The following SLC8A1 variants were observed in gnomAD, a reference collection of about 807,000 sequenced individuals.
The protein encoded by SLC8A1 is solute carrier family 8 member A1, also known as sodium/calcium exchanger 1.
Under a neutral mutation model 68.3 loss-of-function variants are expected in SLC8A1, and 18 were observed. The ratio of observed to expected loss-of-function variants is 0.26; its 90% CI spans 0.18 to 0.39. SLC8A1 has a LOEUF of 0.39. Ranked by LOEUF, SLC8A1 falls within the 10% of genes least tolerant of loss-of-function variation. The probability of loss-of-function intolerance (pLI) is 1.00; values close to 1 mark genes in which losing one functional copy is unlikely to be tolerated. For synonymous variants in SLC8A1, 475 were observed against 415.5 expected, an observed-to-expected ratio of 1.14 and a Z score of -1.74; for missense variants, 985 against 1,156.7, an observed-to-expected ratio of 0.85 and a Z score of 2.15.
chr2:40,202,671 C>G (rs1009098092), intron 2 of SLC8A1, among the ~76,000 whole-genome samples: 27 of 151,912 alleles, frequency 1.8e-4, no homozygotes, highest in Admixed American at 2.6e-4. Flanking sequence ...ATAACATTAG[C>G]AAAGTTTAAA....
intron 2 of SLC8A1, among the ~76,000 whole-genome samples, chr2:40,311,745 G>C (rs1275562855): frequency 1.3e-5 from 2 of 151,794 alleles, no homozygotes; most frequent in South Asian, 4.2e-4. Flanking sequence ...AATGAACATG[G>C]ATTACTTGCA....
intron 2 of SLC8A1, among the ~76,000 whole-genome samples, chr2:40,224,860 C>G (rs983873689): frequency 2.0e-5 from 3 of 152,078 alleles, no homozygotes; most frequent in Non-Finnish European, 2.9e-5. Flanking sequence ...ACAACCCCAT[C>G]AAAAAGTGAG....
At chr2:40,294,335 C>T (rs1030668486) in intron 2 of SLC8A1, among the ~76,000 whole-genome samples, 2 of 152,002 alleles carry the variant, frequency 1.3e-5, no homozygotes, top group Admixed American at 6.6e-5. Flanking sequence ...CATAATAACT[C>T]AATTTGTCTT....
intron 2 of SLC8A1, among the ~76,000 whole-genome samples, chr2:40,219,199 G>A (rs1418755301): frequency 6.6e-6 from 1 of 152,202 alleles, no homozygotes; most frequent in Non-Finnish European, 1.5e-5. Flanking sequence ...CTTTAGAGGT[G>A]TGTGTTCATA....
At chr2:40,478,457 C>T (rs1340851239) in intron 1 of SLC8A1, among the ~76,000 whole-genome samples, 1 of 152,130 alleles carries the variant, frequency 6.6e-6, no homozygotes, top group Non-Finnish European at 1.5e-5. Context: ...TTTGTATCTA[C>T]AAACCCAAAT....
rs1558722154 is a variant in SLC8A1 at position 40,200,218 on chromosome 2, ATTTTTTT to A, written c.1809-22370_1809-22364del. Among the ~76,000 whole-genome samples, 136 of 25,414 alleles carry A rather than the reference ATTTTTTT, an allele frequency of 5.4e-3. 15 individuals carry two copies. Among genetic ancestry groups the A allele is most frequent in the African/African-American group, 7.5e-3 (63 of 8,416 alleles). 16.7% of individuals were successfully genotyped at this position (25,414 alleles called of 152,430 possible). A position where few individuals can be genotyped will look rare whatever the true frequency, so the allele number is the denominator to read the frequency against. On this transcript the variant is annotated intron_variant, in intron 2 of 7. Transcript: ENST00000406785. Reference sequence around the variant, plus strand: ...TATATATATATATAAATATATATATATTTTTTTATATATATATATAAATATATATATA... The same window carrying A: ...TATATATATATATAAATATATATATAATATATATATATAAATATATATATA...
chr2:40,430,422 C>G, intron 1 of SLC8A1, 118 bp from the exon 2 acceptor site: 1 of 1,037,056 alleles, frequency 9.6e-7, no homozygotes, highest in Non-Finnish European at 1.4e-6. Flanking sequence ...TATATTTGAC[C>G]ATCACAAAAC....
intron 2 of SLC8A1, among the ~76,000 whole-genome samples, chr2:40,198,891 T>G (rs1287144208): frequency 1.3e-5 from 2 of 151,366 alleles, no homozygotes; most frequent in Non-Finnish European, 2.9e-5. Flanking sequence ...ATCAATTCTT[T>G]GAGCTTTCAG....
chr2:40,400,376 G>GAAA (rs1688351451), intron 2 of SLC8A1, among the ~76,000 whole-genome samples: 1 of 152,108 alleles, frequency 6.6e-6, no homozygotes, highest in Admixed American at 6.5e-5. Flanking sequence ...ACTCACCCAG[G>GAAA]AAAGAAAAAG....
chr2:40,369,415 T>C (rs1677290229), intron 2 of SLC8A1, among the ~76,000 whole-genome samples: 2 of 152,202 alleles, frequency 1.3e-5, no homozygotes, highest in African/African-American at 4.8e-5. Flanking sequence ...GAAACAAGTA[T>C]CAGCACAGAA....
intron 2 of SLC8A1, among the ~76,000 whole-genome samples, chr2:40,261,751 C>A (rs547003897): frequency 2.6e-5 from 4 of 152,270 alleles, no homozygotes; most frequent in Non-Finnish European, 5.9e-5. Flanking sequence ...GTGCCACAGT[C>A]GTTGCACTGT....
intron 2 of SLC8A1, among the ~76,000 whole-genome samples, chr2:40,289,105 T>C (rs186525375): frequency 1.2e-3 from 176 of 152,112 alleles, no homozygotes; most frequent in African/African-American, 4.0e-3. Context: ...GATTCTTTTT[T>C]TTTTCAGTCA....
chr2:40,452,240 C>A (rs1702652318), upstream of SLC8A1, among the ~76,000 whole-genome samples: 1 of 150,318 alleles, frequency 6.7e-6, no homozygotes, highest in South Asian at 2.1e-4. Flanking sequence ...CACGCGCGCT[C>A]GGCCCCGCGG....
chr2:40,293,404 G>C (rs972498452), intron 2 of SLC8A1, among the ~76,000 whole-genome samples: 1 of 152,158 alleles, frequency 6.6e-6, no homozygotes, highest in African/African-American at 2.4e-5. Flanking sequence ...TGTAAATAAA[G>C]TTGTATATTG....
chr2:40,450,499 C>A (rs887135097), intron 1 of SLC8A1, among the ~76,000 whole-genome samples: 5 of 152,128 alleles, frequency 3.3e-5, no homozygotes, highest in African/African-American at 1.2e-4. Context: ...CTGCTCATAT[C>A]TGGAGATACT....
chr2:40,175,961 T>C (rs998000448), intron 3 of SLC8A1: 2 of 450,136 alleles, frequency 4.4e-6, no homozygotes, highest in African/African-American at 4.0e-5. Context: ...GTGACTTCTG[T>C]ACATTATTAG....
intron 7 of SLC8A1, among the ~76,000 whole-genome samples, chr2:40,136,944 C>T (rs778735773): frequency 6.6e-6 from 1 of 152,176 alleles, no homozygotes; most frequent in Non-Finnish European, 1.5e-5. Flanking sequence ...AATAACAGCA[C>T]AAAGAAATCT....
intron 1 of SLC8A1, among the ~76,000 whole-genome samples, chr2:40,484,303 G>C (rs1233262875): frequency 6.6e-6 from 1 of 152,142 alleles, no homozygotes; most frequent in Non-Finnish European, 1.5e-5. Context: ...AGTGCCATTT[G>C]GAAGGACTGG....
chr2:40,264,221 G>C (rs2065067488), intron 2 of SLC8A1, among the ~76,000 whole-genome samples: 1 of 151,014 alleles, frequency 6.6e-6, no homozygotes, highest in African/African-American at 2.4e-5. Context: ...AGAGGATGTG[G>C]AGAAATAGGA....
Sources: allele counts gnomAD v4.1 joint callset (sites outside exome capture counted in the v4.1 genomes callset), GRCh38; gene constraint gnomAD v4.1.1; transcripts MANE v1.5; gene names NCBI Gene and HGNC (gene_info 2026-07-23, HGNC 2026-07-21).